Variants in ZFYVE26 observed in about 807,000 individuals in gnomAD.
The protein encoded by ZFYVE26 is zinc finger FYVE-type containing 26, also known as zinc finger FYVE domain-containing protein 26.
Under a neutral mutation model 276.5 loss-of-function variants are expected in ZFYVE26, and 181 were observed. The observed-to-expected ratio is 0.65, with a 90% confidence interval of 0.58 to 0.74. The LOEUF (loss-of-function observed/expected upper bound fraction) is 0.74, where lower values mean the gene tolerates loss of function less well. Among genes scored for constraint, ZFYVE26 ranks in the 30% least tolerant of loss-of-function variants. The pLI is 0.00. For synonymous variants in ZFYVE26, 1,129 were observed against 1,203.1 expected, an observed-to-expected ratio of 0.94 and a Z score of 1.27; for missense variants, 2,821 against 3,097.9, an observed-to-expected ratio of 0.91 and a Z score of 2.12.
intron 28 of ZFYVE26, chr14:67,770,460 T>C (rs1288458342): frequency 3.6e-5 from 2 of 55,594 alleles, no homozygotes; most frequent in African/African-American, 6.1e-5. Context: ...CTAGACTCTG[T>C]CTCAAAAAAA....
chr14:67,780,366 C>T, intron 22 of ZFYVE26, 21 bp from the exon 23 acceptor site: 3 of 1,602,066 alleles, frequency 1.9e-6, no homozygotes, highest in South Asian at 1.1e-5. Context: ...ACAAGAAAAT[C>T]CGTCAAACCA....
At position 67,755,170 on chromosome 14, in the gene ZFYVE26, G is replaced by A; in HGVS notation, c.6867C>T (p.Leu2289=). Reference sequence around the variant, plus strand: ...GGTCCTTGGCCTTAAGTAGCCATGAGAGCTTCTCTCCCAGTTCTGTATATG... The same window carrying A: ...GGTCCTTGGCCTTAAGTAGCCATGAAAGCTTCTCTCCCAGTTCTGTATATG... ...AKSYTELGEK[L]SWLLKAKDHL... Residue 2289 remains leucine, a synonymous_variant, in exon 37 of 42, where the codon CTC becomes CTT. Coordinates refer to ENST00000347230, the MANE Select transcript of ZFYVE26 (RefSeq NM_015346.4). The A allele has an allele frequency of 6.2e-7, 1 of 1,614,166 alleles. No individual in the cohort carries two copies. The highest frequency in any genetic ancestry group is 8.5e-7 in the Non-Finnish European group (1 of 1,180,036).
At chr14:67,770,587 C>A (rs539605680) in intron 28 of ZFYVE26, 1 of 152,032 alleles carries the variant, frequency 6.6e-6, no homozygotes, top group African/African-American at 2.4e-5. Context: ...AAATTATATA[C>A]CTTCTCTATA....
chr14:67,781,275 TG>T, intron 22 of ZFYVE26, 57 bp downstream of exon 22: 2 of 1,586,774 alleles, frequency 1.3e-6, no homozygotes. Flanking sequence ...TAAGATAGGT[TG>T]GGGTTGATCA....
chr14:67,775,187 G>T, intron 26 of ZFYVE26, 73 bp from the exon 27 acceptor site: 1 of 1,043,612 alleles, frequency 9.6e-7, no homozygotes, highest in Non-Finnish European at 1.4e-6. Context: ...TAGGCATTTA[G>T]AACAAAGCTC....
At position 67,798,150 on chromosome 14, in the gene ZFYVE26, A is replaced by C. The variant is rs12891164; in HGVS notation, c.2112T>G (p.Pro704=). The C allele has an allele frequency of 1.2e-6, 2 of 1,613,750 alleles. No homozygotes were observed. The highest frequency in any genetic ancestry group is 1.3e-5 in the African/African-American group (1 of 74,808). The stretch of plus-strand genomic sequence containing the variant: ...GACTTTCTTGCTTTGGCTTCTCAGG[A>C]GGGCTGCGGCTACTGATCTCATCCA... ...EQLDEISSRS[P]PEKPKQESQS... is the part of the protein sequence containing the mutation. Residue 704 remains proline, a synonymous_variant, in exon 11 of 42, where the codon CCT becomes CCG. Coordinates refer to ENST00000347230, the MANE Select transcript of ZFYVE26 (RefSeq NM_015346.4).
intron 14 of ZFYVE26, among the ~76,000 whole-genome samples, chr14:67,792,737 C>T (rs919524942): frequency 3.3e-5 from 5 of 151,088 alleles, no homozygotes; most frequent in African/African-American, 4.9e-5. Context: ...CATCGCAAAA[C>T]CTCATCTCTA....
intron 27 of ZFYVE26, among the ~76,000 whole-genome samples, chr14:67,772,462 T>C (rs1362173550): frequency 3.3e-5 from 5 of 152,234 alleles, no homozygotes; most frequent in Admixed American, 1.3e-4. Context: ...GTCCAGCTTC[T>C]AGACCTAACT....
intron 10 of ZFYVE26, chr14:67,799,739 A>G: frequency 1.4e-6 from 1 of 714,220 alleles, no homozygotes; most frequent in Admixed American, 2.3e-5. Flanking sequence ...AATTTTTCAG[A>G]TTGACTAGGC....
At chr14:67,750,180 T>C (rs1164618831) in intron 41 of ZFYVE26, among the ~76,000 whole-genome samples, 1 of 152,214 alleles carries the variant, frequency 6.6e-6, no homozygotes, top group Non-Finnish European at 1.5e-5. Context: ...CATTTCAGGA[T>C]GTCAGAATTT....
chr14:67,795,897 AAC>A (rs2039942088), intron 12 of ZFYVE26, among the ~76,000 whole-genome samples: 1 of 152,240 alleles, frequency 6.6e-6, no homozygotes, highest in Admixed American at 6.5e-5. Flanking sequence ...GAAAAATATA[AAC>A]AGTCAATAAA....
chr14:67,757,538 C>T (rs2038809507), intron 35 of ZFYVE26, among the ~76,000 whole-genome samples: 2 of 152,286 alleles, frequency 1.3e-5, no homozygotes, highest in South Asian at 4.1e-4. Context: ...CCACCCCTTC[C>T]TCCTCCCTGT....
intron 13 of ZFYVE26, among the ~76,000 whole-genome samples, chr14:67,738,840 C>T (rs1377916481): frequency 6.6e-6 from 1 of 152,194 alleles, no homozygotes; most frequent in Non-Finnish European, 1.5e-5. Context: ...GTTCCAGTGT[C>T]TACCTCTGCT....
At position 67,754,945 on chromosome 14, in the gene ZFYVE26, T is replaced by C. The variant is rs143311890; in HGVS notation, c.6986+106A>G. On this transcript the variant is annotated intron_variant, in intron 37 of 41. Transcript: ENST00000347230. ...TCATCCAGGGATGATTCCCTTTAGATTTTTTTTCAGGATTCAAGGAATGGA... is the reference window on the plus strand; with the variant it reads ...TCATCCAGGGATGATTCCCTTTAGACTTTTTTTCAGGATTCAAGGAATGGA... 18 of 1,311,730 alleles carry C rather than the reference T, an allele frequency of 1.4e-5. No homozygotes were observed. In the African/African-American group the frequency reaches 2.5e-4, roughly 18 times the overall value. The allele number at this position is 1,311,730 out of a possible 1,614,324, so 81.3% of individuals were successfully genotyped here.
Position 67,750,168 on chromosome 14 carries a change from T to C in ZFYVE26, c.7416+884A>G, listed in dbSNP as rs144641252. Among the ~76,000 whole-genome samples, 36 of 152,326 alleles carry C rather than the reference T, an allele frequency of 2.4e-4. 1 individual carries two copies. In the East Asian group the frequency reaches 4.6e-3, roughly 20 times the overall value. ...GTCTGACTCTAGAAAAGTAATTCTC[T>C]ACATTTCAGGATGTCAGAATTTCAT... is the stretch of plus-strand genomic sequence containing the variant. On this transcript the variant is annotated intron_variant, in intron 41 of 41. Transcript: ENST00000347230.
chr14:67,737,453 C>T (rs540780538), intron 13 of ZFYVE26, among the ~76,000 whole-genome samples: 1 of 152,242 alleles, frequency 6.6e-6, no homozygotes, highest in East Asian at 1.9e-4. Flanking sequence ...GAAACTGCCA[C>T]TTTTAAAACC....
At position 67,776,100 on chromosome 14, in the gene ZFYVE26, G is replaced by C; in HGVS notation, c.4981C>G (p.Leu1661Val). The C allele has an allele frequency of 6.2e-7, 1 of 1,614,168 alleles. No homozygotes were observed. Residue 1661 changes from leucine to valine, a missense_variant, in exon 26 of 42, where the codon CTG (leucine) becomes GTG (valine). Physicochemically the swap from Leu to Val is conservative, Grantham distance 32. Coordinates refer to ENST00000347230, the MANE Select transcript of ZFYVE26 (RefSeq NM_015346.4). Reference protein sequence around the residue: ...QALYVGSKILLTLPEQHRASY... With the variant: ...QALYVGSKILVTLPEQHRASY... ...GCCCGGTGCTGCTCAGGCAGGGTCA[G>C]CAGAATCTGTTTGTGGGGTAGATCC...
chr14:67,798,241 C>T lies in ZFYVE26; in HGVS notation c.2021G>A (p.Gly674Asp), dbSNP rs1442699861. Residue 674 changes from glycine (G) to aspartate (D), a missense_variant, in exon 11 of 42, where the codon GGT (glycine) becomes GAT (aspartate). By Grantham distance (94) the Gly-to-Asp change is moderately conservative (BLOSUM62 -1). Transcript: ENST00000347230. ...TTCATCAGCCAGAAATCCACTGATACCACTAGTAAAGTGTTTTAAGTCCAA... is the reference window on the plus strand; with the variant it reads ...TTCATCAGCCAGAAATCCACTGATATCACTAGTAAAGTGTTTTAAGTCCAA... ...SFLDLKHFTS[G>D]ISGFLADEFA... The T allele has an allele frequency of 5.0e-6, 8 of 1,614,172 alleles. No individual in the cohort carries two copies. Among genetic ancestry groups the T allele is most frequent in the Non-Finnish European group, 6.8e-6 (8 of 1,180,030 alleles).
At position 67,782,962 on chromosome 14, in the gene ZFYVE26, AGACT is replaced by A. The variant is rs1442182927; in HGVS notation, c.4186_4189del (p.Ser1396PhefsTer14). On this transcript the variant is annotated frameshift_variant, in exon 21 of 42. Transcript: ENST00000347230. LOFTEE classifies it high-confidence loss of function. ...ATGTAGGCCCAGGAGAACGGTAGAA[AGACT>A]GGCCCAACCACAGAGATTCACTGCC... The A allele has an allele frequency of 1.2e-6, 2 of 1,614,226 alleles. No individual in the cohort carries two copies. Among genetic ancestry groups the A allele is most frequent in the Non-Finnish European group, 1.7e-6 (2 of 1,180,042 alleles).
Sources: allele counts gnomAD v4.1 joint callset (sites outside exome capture counted in the v4.1 genomes callset), GRCh38; gene constraint gnomAD v4.1.1; transcripts MANE v1.5; gene names NCBI Gene and HGNC (gene_info 2026-07-23, HGNC 2026-07-21).